The following OOSP4B variants were observed in gnomAD, a reference collection of about 807,000 sequenced individuals.
OOSP4B encodes the protein oocyte-secreted protein 4B.
chr11:60,022,646 GT>G (rs1316897501), intron 1 of OOSP4B, among the ~76,000 whole-genome samples: 1 of 152,082 alleles, frequency 6.6e-6, no homozygotes, highest in African/African-American at 2.4e-5. Context: ...TAAAACCTGG[GT>G]CAATGTCTTC....
At chr11:60,018,769 C>G (rs1444813529) in intron 1 of OOSP4B, among the ~76,000 whole-genome samples, 1 of 152,162 alleles carries the variant, frequency 6.6e-6, no homozygotes, top group African/African-American at 2.4e-5. Flanking sequence ...GATTTCAATG[C>G]CTTAATGTCT....
At chr11:60,026,985 A>T (rs1180807284) in intron 3 of OOSP4B, among the ~76,000 whole-genome samples, 9 of 152,156 alleles carry the variant, frequency 5.9e-5, no homozygotes, top group Non-Finnish European at 1.0e-4. Context: ...CTTTATTTTT[A>T]ATTTTCTAAA....
At chr11:60,028,432 G>A (rs541809226) in intron 3 of OOSP4B, among the ~76,000 whole-genome samples, 1 of 152,130 alleles carries the variant, frequency 6.6e-6, no homozygotes, top group South Asian at 2.1e-4. Context: ...TCCCAAAGTG[G>A]TAGGATTACA....
rs55927622 is a variant in OOSP4B at position 60,020,608 on chromosome 11, C to T, written c.22+3195C>T. 7.7e-3 allele frequency among the ~76,000 whole-genome samples: 1,167 copies of T among 152,344 alleles called. 14 individuals carry two copies. The highest frequency in any genetic ancestry group is 8.6e-3 in the Non-Finnish European group (587 of 68,018). On this transcript the variant is annotated intron_variant, in intron 1 of 4. Coordinates refer to ENST00000642343, the Ensembl canonical transcript of OOSP4B. ...CCCGCCGGCGCCTCTCCCTCCACAC[C>T]TCCCCGCAAGCTGAGGGAGCTGGCT...
intron 2 of OOSP4B, 115 bp from the exon 3 acceptor site, chr11:60,024,793 G>A (rs1854729829): frequency 2.5e-6 from 1 of 394,362 alleles, no homozygotes; most frequent in Non-Finnish European, 4.5e-6. Context: ...TTTTATATCT[G>A]TTAAATTAAT....
In OOSP4B at chr11:60,017,272, C is replaced by A; in HGVS notation, c.-120C>A. On this transcript the variant is annotated 5_prime_UTR_variant, in exon 1 of 5. It adds an upstream start codon to the 5' untranslated region. Transcript: ENST00000642343. ...GAAGATGCTAAGGGGTTTCCCTGGG[C>A]TGCCCCAGCAGAGGGTAATTGCAGA... is the stretch of plus-strand genomic sequence containing the variant. The A allele has an allele frequency of 5.0e-6, 2 of 397,966 alleles. No homozygotes were observed. Among genetic ancestry groups the A allele is most frequent in the Non-Finnish European group, 8.9e-6 (2 of 225,770 alleles). 24.7% of individuals were successfully genotyped at this position (397,966 alleles called of 1,614,324 possible). A position where few individuals can be genotyped will look rare whatever the true frequency, so the allele number is the denominator to read the frequency against.
chr11:60,024,929 G>A (rs915579091), exon 3 of OOSP4B: 42 of 398,060 alleles, frequency 1.1e-4, no homozygotes, highest in Non-Finnish European at 1.6e-4. Context: ...AAATGATGAC[G>A]CCATATTATC....
At chr11:60,025,830 T>G (rs1450713743) in intron 3 of OOSP4B, among the ~76,000 whole-genome samples, 2 of 152,220 alleles carry the variant, frequency 1.3e-5, no homozygotes, top group Non-Finnish European at 1.5e-5. Flanking sequence ...TTTCCCAAAA[T>G]AAGGTGTCCT....
exon 3 of OOSP4B, chr11:60,024,948 G>T (rs779913049): frequency 2.3e-5 from 9 of 398,228 alleles, no homozygotes; most frequent in African/African-American, 2.1e-5. Flanking sequence ...TCAGAGATCA[G>T]TTACAAACCA....
chr11:60,018,728 T>C (rs542155351), intron 1 of OOSP4B, among the ~76,000 whole-genome samples: 1 of 152,356 alleles, frequency 6.6e-6, no homozygotes, highest in Non-Finnish European at 1.5e-5. Flanking sequence ...GGCTTCTCTG[T>C]TACACCTGAG....
intron 1 of OOSP4B, among the ~76,000 whole-genome samples, chr11:60,019,290 G>C (rs1854662090): frequency 6.6e-6 from 1 of 152,186 alleles, no homozygotes; most frequent in Admixed American, 6.5e-5. Flanking sequence ...TAGGCAAGAA[G>C]ATCGCTTGAG....
exon 3 of OOSP4B, chr11:60,024,975 A>G (rs926394706): frequency 2.0e-5 from 8 of 398,280 alleles, no homozygotes; most frequent in East Asian, 1.1e-4. Flanking sequence ...CATACTACCT[A>G]TGAATTTCCA....
chr11:60,018,584 T>G (rs1022328297), intron 1 of OOSP4B, among the ~76,000 whole-genome samples: 8 of 152,162 alleles, frequency 5.3e-5, no homozygotes, highest in African/African-American at 1.9e-4. Context: ...CACTGCTGCG[T>G]TTCACATAAT....
Position 60,018,888 on chromosome 11 carries a change from C to G in OOSP4B, c.22+1475C>G, listed in dbSNP as rs147127575. Among the ~76,000 whole-genome samples, 722 of 152,224 alleles carry G rather than the reference C, an allele frequency of 4.7e-3. 8 individuals carry two copies. The highest frequency in any genetic ancestry group is 0.015 in the South Asian group (71 of 4,820). On this transcript the variant is annotated intron_variant, in intron 1 of 4. Coordinates refer to ENST00000642343, the Ensembl canonical transcript of OOSP4B. ...TGTACTTTAGTCACATTAGACGAAT[C>G]TAGGGAAACTTAGGGAGTAAAATGA... is the stretch of plus-strand genomic sequence containing the variant.
rs147095498 is a variant in OOSP4B at position 60,024,073 on chromosome 11, G to C, written c.204+12G>C. 1,093 of 398,492 alleles carry C rather than the reference G, an allele frequency of 2.7e-3. 17 individuals are homozygous for C. The highest frequency in any genetic ancestry group is 0.019 in the South Asian group (147 of 7,846). The allele number at this position is 398,492 out of a possible 1,614,324, so 24.7% of individuals were successfully genotyped here. A position where few individuals can be genotyped will look rare whatever the true frequency, so the allele number is the denominator to read the frequency against. On this transcript the variant is annotated intron_variant, in intron 2 of 4. Coordinates refer to ENST00000642343, the Ensembl canonical transcript of OOSP4B. The stretch of plus-strand genomic sequence containing the variant: ...GGATCAAGAAAATTGTAAGTGCCAT[G>C]ATGCTTTTCCCTAAAACATATACTG...
intron 1 of OOSP4B, among the ~76,000 whole-genome samples, chr11:60,020,261 TCC>T (rs1854675756): frequency 6.6e-6 from 1 of 152,176 alleles, no homozygotes; most frequent in Non-Finnish European, 1.5e-5. Flanking sequence ...GTGCCCGCAC[TCC>T]TCAGCCCTTG....
chr11:60,022,938 A>T (rs116851204), intron 1 of OOSP4B, among the ~76,000 whole-genome samples: 1,557 of 152,302 alleles, frequency 0.01, 14 homozygotes, highest in Non-Finnish European at 0.017. Context: ...GATACTGAGG[A>T]TGGATGGATG....
chr11:60,020,628 C>A (rs1854681241), intron 1 of OOSP4B, among the ~76,000 whole-genome samples: 3 of 152,218 alleles, frequency 2.0e-5, no homozygotes, highest in African/African-American at 7.2e-5. Flanking sequence ...GCTGAGGGAG[C>A]TGGCTCTGGC....
At chr11:60,022,634 A>C (rs1283940974) in intron 1 of OOSP4B, among the ~76,000 whole-genome samples, 1 of 152,202 alleles carries the variant, frequency 6.6e-6, no homozygotes, top group Non-Finnish European at 1.5e-5. Flanking sequence ...CTGTCCTGGG[A>C]TTAAAACCTG....
Sources: allele counts gnomAD v4.1 joint callset (sites outside exome capture counted in the v4.1 genomes callset), GRCh38; gene constraint gnomAD v4.1.1; transcripts MANE v1.5; gene names NCBI Gene and HGNC (gene_info 2026-07-23, HGNC 2026-07-21).